The following FBXW7 variants were observed in gnomAD, a reference collection of about 807,000 sequenced individuals.
FBXW7 encodes the protein F-box and WD repeat domain containing 7.
A neutral mutation model predicts 86.3 loss-of-function variants in FBXW7; 11 were observed. That is an observed-to-expected ratio of 0.13 (90% CI 0.08 to 0.21). The LOEUF (loss-of-function observed/expected upper bound fraction) is 0.21, where lower values mean the gene tolerates loss of function less well. Among genes scored for constraint, FBXW7 ranks in the 10% least tolerant of loss-of-function variants. The probability of loss-of-function intolerance (pLI) is 1.00; values close to 1 mark genes in which losing one functional copy is unlikely to be tolerated. For synonymous variants in FBXW7, 313 were observed against 297.9 expected (o/e 1.05, Z -0.52); for missense variants, 488 against 847.4 (o/e 0.58, Z 5.27).
chr4:152,474,522 CA>C (rs1744227263), intron 2 of FBXW7, among the ~76,000 whole-genome samples: 1 of 152,200 alleles, frequency 6.6e-6, no homozygotes, highest in South Asian at 2.1e-4. Context: ...CATTAGAAAT[CA>C]ATTCTCAAAT....
At chr4:152,421,856 C>T (rs1738977365) in intron 2 of FBXW7, among the ~76,000 whole-genome samples, 1 of 152,126 alleles carries the variant, frequency 6.6e-6, no homozygotes, top group South Asian at 2.1e-4. Context: ...TTAAGTTTGC[C>T]ATCTTTTATT....
chr4:152,406,225 A>T (rs187139970), intron 4 of FBXW7, among the ~76,000 whole-genome samples: 40 of 152,336 alleles, frequency 2.6e-4, no homozygotes, highest in South Asian at 8.3e-4. Flanking sequence ...TAATCAATGG[A>T]ATGCTATAAA....
chr4:152,352,041 A>C (rs1159611891), intron 4 of FBXW7, among the ~76,000 whole-genome samples: 1 of 152,162 alleles, frequency 6.6e-6, no homozygotes, highest in Non-Finnish European at 1.5e-5. Context: ...CAGAAAGTAA[A>C]CATGATCTCT....
chr4:152,471,275 G>T (rs987194453), intron 2 of FBXW7, among the ~76,000 whole-genome samples: 1 of 151,428 alleles, frequency 6.6e-6, no homozygotes, highest in Non-Finnish European at 1.5e-5. Flanking sequence ...ATACTGTCAC[G>T]ATATTTAGGC....
chr4:152,391,298 C>T (rs1294599806), intron 4 of FBXW7, among the ~76,000 whole-genome samples: 1 of 151,954 alleles, frequency 6.6e-6, no homozygotes, highest in East Asian at 1.9e-4. Context: ...TACCACTGGC[C>T]TTTTACGCTG....
chr4:152,322,788 T>G lies in FBXW7; in HGVS notation c.*93A>C, dbSNP rs1345322724. 1 of 1,547,974 alleles carries G rather than the reference T, an allele frequency of 6.5e-7. No homozygotes were observed. Among genetic ancestry groups the G allele is most frequent in the Non-Finnish European group, 8.7e-7 (1 of 1,151,948 alleles). On this transcript the variant is annotated 3_prime_UTR_variant, in exon 14 of 14. Coordinates refer to ENST00000281708, the MANE Select transcript of FBXW7 (RefSeq NM_001349798.2). ...TCCTGCACCACTGAGAACAAGGGAT[T>G]TTTTTCTTTTTCTTTTCTTTTTTTC...
chr4:152,459,325 T>TGA (rs1742725880), intron 2 of FBXW7, among the ~76,000 whole-genome samples: 1 of 152,184 alleles, frequency 6.6e-6, no homozygotes, highest in African/African-American at 2.4e-5. Flanking sequence ...GAGTACCCAT[T>TGA]TTTACACTAG....
At chr4:152,513,487 G>A (rs1248324349) in intron 2 of FBXW7, among the ~76,000 whole-genome samples, 1 of 152,058 alleles carries the variant, frequency 6.6e-6, no homozygotes, top group African/African-American at 2.4e-5. Flanking sequence ...AAACAAAGAG[G>A]TAAAAGAATT....
chr4:152,332,989 C>CTT (rs1203181383), intron 7 of FBXW7, among the ~76,000 whole-genome samples: 1 of 151,942 alleles, frequency 6.6e-6, no homozygotes, highest in Non-Finnish European at 1.5e-5. Flanking sequence ...CTGCTCTTGC[C>CTT]TTTACTCTGT....
In FBXW7 at chr4:152,535,938, C is replaced by A; in HGVS notation, c.-1024G>T. The A allele has an allele frequency of 3.2e-6, 1 of 312,008 alleles. No homozygotes were observed. Among genetic ancestry groups the A allele is most frequent in the South Asian group, 1.1e-4 (1 of 9,364 alleles). 19.3% of individuals were successfully genotyped at this position (312,008 alleles called of 1,614,324 possible). A position where few individuals can be genotyped will look rare whatever the true frequency, so the allele number is the denominator to read the frequency against. The stretch of plus-strand genomic sequence containing the variant: ...CGCTGGCCCAGGTGAGAGCGAAGGT[C>A]TCGGCGGCGGCCAGTGCAGGGGGAC... On this transcript the variant is annotated 5_prime_UTR_variant, in exon 1 of 14. Coordinates refer to ENST00000281708, the MANE Select transcript of FBXW7 (RefSeq NM_001349798.2).
At chr4:152,325,859 C>T in intron 12 of FBXW7, 147 bp downstream of exon 12, 1 of 561,988 alleles carries the variant, frequency 1.8e-6, no homozygotes. Flanking sequence ...TTTCTTCATG[C>T]CAATTTTAAC....
chr4:152,403,572 CA>C (rs1737134623), intron 4 of FBXW7, among the ~76,000 whole-genome samples: 1 of 151,676 alleles, frequency 6.6e-6, no homozygotes, highest in Admixed American at 6.6e-5. Context: ...TTTCCATGGA[CA>C]GGGGAAGTGG....
At chr4:152,526,326 A>G (rs116148132) in intron 2 of FBXW7, among the ~76,000 whole-genome samples, 2,169 of 152,304 alleles carry the variant, frequency 0.014, 33 homozygotes, top group East Asian at 0.042. Flanking sequence ...AAGCATACCA[A>G]AACTGTTCTC....
intron 2 of FBXW7, among the ~76,000 whole-genome samples, chr4:152,529,689 AG>A (rs1749834394): frequency 6.6e-6 from 1 of 152,134 alleles, no homozygotes; most frequent in Non-Finnish European, 1.5e-5. Context: ...AATGCTGGCC[AG>A]GTGTGGTGGC....
chr4:152,378,423 A>G (rs1734753198), intron 4 of FBXW7, among the ~76,000 whole-genome samples: 1 of 152,096 alleles, frequency 6.6e-6, no homozygotes, highest in Non-Finnish European at 1.5e-5. Flanking sequence ...CTTTCCACCA[A>G]AGCTCTACTC....
At chr4:152,414,669 G>C (rs1381793731) in intron 2 of FBXW7, among the ~76,000 whole-genome samples, 1 of 152,076 alleles carries the variant, frequency 6.6e-6, no homozygotes, top group African/African-American at 2.4e-5. Context: ...ATAAAATAAT[G>C]GCTGGAGAAA....
At chr4:152,412,065 A>G (rs1304801271) in intron 3 of FBXW7, among the ~76,000 whole-genome samples, 193 bp from the exon 4 acceptor site, 1 of 152,206 alleles carries the variant, frequency 6.6e-6, no homozygotes, top group Non-Finnish European at 1.5e-5. Flanking sequence ...TTATAAAGAC[A>G]TGCACAAAAA....
chr4:152,471,740 A>C (rs1230528468), intron 2 of FBXW7, among the ~76,000 whole-genome samples: 1 of 151,778 alleles, frequency 6.6e-6, no homozygotes, highest in Non-Finnish European at 1.5e-5. Context: ...CTCTACAAAA[A>C]AATTTAAAAA....
chr4:152,392,042 A>C (rs1488328440), intron 4 of FBXW7, among the ~76,000 whole-genome samples: 1 of 152,174 alleles, frequency 6.6e-6, no homozygotes, highest in African/African-American at 2.4e-5. Context: ...GGAATGTTTT[A>C]ATGTGCCTGA....
Sources: allele counts gnomAD v4.1 joint callset (sites outside exome capture counted in the v4.1 genomes callset), GRCh38; gene constraint gnomAD v4.1.1; transcripts MANE v1.5; gene names NCBI Gene and HGNC (gene_info 2026-07-23, HGNC 2026-07-21).